COL4A5: variants seen among roughly 807,000 people sequenced by gnomAD.
COL4A5 encodes the protein collagen type IV alpha 5 chain, also known as collagen alpha-5(IV) chain.
Under a neutral mutation model 130.2 loss-of-function variants are expected in COL4A5, and 26 were observed. The ratio of observed to expected loss-of-function variants is 0.20; its 90% confidence interval spans 0.15 to 0.28. The LOEUF is 0.28. COL4A5 is among the 10% of genes least tolerant of loss of function. The probability of loss-of-function intolerance (pLI) is 1.00; values close to 1 mark genes in which losing one functional copy is unlikely to be tolerated. For missense variants in COL4A5, 1,131 were observed against 1,344.3 expected, an observed-to-expected ratio of 0.84 and a Z score of 2.48; for synonymous variants, 496 against 439.6, an observed-to-expected ratio of 1.13 and a Z score of -1.60.
intron 21 of COL4A5, among the ~76,000 whole-genome samples, chrX:108,594,447 A>G (rs1269479274): frequency 9.0e-6 from 1 of 111,171 alleles, no homozygotes; most frequent in Non-Finnish European, 1.9e-5. Flanking sequence ...TCCCTTAAAA[A>G]CTTAAGTTAT....
intron 36 of COL4A5, among the ~76,000 whole-genome samples, chrX:108,630,970 T>G (rs138559046): frequency 0.041 from 4,548 of 111,582 alleles, 222 homozygotes; most frequent in African/African-American, 0.14. Context: ...GTTGTAGATG[T>G]GTGGTGTTAT....
intron 25 of COL4A5, among the ~76,000 whole-genome samples, chrX:108,599,933 A>G (rs73528315): frequency 0.093 from 10,363 of 111,837 alleles, 1,098 homozygotes; most frequent in African/African-American, 0.31. Context: ...TTGACTGGAT[A>G]ATTACAAACT....
intron 4 of COL4A5, among the ~76,000 whole-genome samples, chrX:108,567,740 C>T (rs1026507807): frequency 9.0e-6 from 1 of 111,182 alleles, no homozygotes; most frequent in African/African-American, 3.3e-5. Context: ...GAGAGCCAAG[C>T]GAAAGGGGAA....
intron 30 of COL4A5, among the ~76,000 whole-genome samples, chrX:108,617,252 T>C (rs1223267303): frequency 9.0e-6 from 1 of 111,690 alleles, no homozygotes; most frequent in Admixed American, 9.5e-5. Context: ...AATAATAAGG[T>C]AATCGGAAAG....
chrX:108,642,067 C>T (rs1003983295), intron 36 of COL4A5, among the ~76,000 whole-genome samples: 2 of 111,068 alleles, frequency 1.8e-5, no homozygotes, highest in Non-Finnish European at 3.8e-5. Flanking sequence ...GGAGTAAGAT[C>T]GGCCCTTTGA....
chrX:108,477,815 CAAAAAAAAAA>C (rs749101117), intron 1 of COL4A5, among the ~76,000 whole-genome samples: 1 of 33,918 alleles, frequency 2.9e-5, no homozygotes, highest in East Asian at 1.0e-3. Context: ...GACTTTGTCT[CAAAAAAAAAA>C]AAAAAAAAAA....
At chrX:108,632,823 C>CTAG (rs765637790) in intron 36 of COL4A5, among the ~76,000 whole-genome samples, 2 of 111,627 alleles carry the variant, frequency 1.8e-5, no homozygotes, top group Non-Finnish European at 3.8e-5. Flanking sequence ...ATTGATGGAA[C>CTAG]GTATCTCAAA....
At chrX:108,470,369 G>T (rs1371803978) in intron 1 of COL4A5, among the ~76,000 whole-genome samples, 1 of 111,968 alleles carries the variant, frequency 8.9e-6, no homozygotes, top group Non-Finnish European at 1.9e-5. Context: ...ATATCATTGT[G>T]GTTTTGATTT....
chrX:108,448,109 A>T lies in COL4A5; in HGVS notation c.81+7903A>T, dbSNP rs150961968. On this transcript the variant is annotated intron_variant, in intron 1 of 52. Coordinates refer to ENST00000328300, the MANE Select transcript of COL4A5 (RefSeq NM_033380.3). ...AACCAAAAGGGCAGTCTATGATGGT[A>T]CTTGCTACCCTGTTGAAATGGGAAC... Among the ~76,000 whole-genome samples, 3 of 112,549 alleles carry T rather than the reference A, an allele frequency of 2.7e-5. No homozygotes were observed. The East Asian group carries it at 8.4e-4, about 31-fold the overall frequency.
Position 108,439,892 on chromosome X carries a change from A to C in COL4A5, c.-234A>C. The C allele has an allele frequency of 2.4e-6, 1 of 412,892 alleles. No homozygotes were observed. The highest frequency in any genetic ancestry group is 2.5e-5 in the African/African-American group (1 of 40,167). The allele number at this position is 412,892 out of a possible 1,213,427, so 34.0% of individuals were successfully genotyped here. ...TTTGCAAGTCTGGACAGAAGGGAAA[A>C]GTTCTCCTGAGAGACCGGCTTTGGG... On this transcript the variant is annotated 5_prime_UTR_variant, in exon 1 of 53. Coordinates refer to ENST00000328300, the MANE Select transcript of COL4A5 (RefSeq NM_033380.3).
At chrX:108,503,629 G>A (rs1281143037) in intron 1 of COL4A5, among the ~76,000 whole-genome samples, 2 of 111,650 alleles carry the variant, frequency 1.8e-5, no homozygotes, top group African/African-American at 6.5e-5. Context: ...ATGAAGCTGA[G>A]AATCAAATCA....
intron 1 of COL4A5, among the ~76,000 whole-genome samples, chrX:108,458,754 G>T (rs972069017): frequency 1.8e-5 from 2 of 111,820 alleles, no homozygotes; most frequent in African/African-American, 6.5e-5. Flanking sequence ...GCCGAGGCGG[G>T]TGGATCACGA....
At chrX:108,681,414 G>A (rs1464521433) in intron 46 of COL4A5, among the ~76,000 whole-genome samples, 1 of 109,598 alleles carries the variant, frequency 9.1e-6, no homozygotes, top group African/African-American at 3.3e-5. Flanking sequence ...TGCAAATGAT[G>A]TTGGAGTCAG....
chrX:108,616,167 G>C (rs1178201896), intron 30 of COL4A5, among the ~76,000 whole-genome samples: 1 of 110,923 alleles, frequency 9.0e-6, no homozygotes, highest in Non-Finnish European at 1.9e-5. Context: ...AACTAACAAA[G>C]CAGAGGGATC....
At chrX:108,691,344 T>TA (rs1255539534) in intron 49 of COL4A5, among the ~76,000 whole-genome samples, 3 of 110,929 alleles carry the variant, frequency 2.7e-5, no homozygotes, top group African/African-American at 9.8e-5. Context: ...ATTATATACA[T>TA]AAAAAAAATG....
At chrX:108,569,972 G>T (rs746126042) in intron 6 of COL4A5, among the ~76,000 whole-genome samples, 2 of 111,514 alleles carry the variant, frequency 1.8e-5, no homozygotes, top group Non-Finnish European at 1.9e-5. Context: ...GAGCCACCGC[G>T]CCCGGCCAGA....
At chrX:108,550,463 G>T (rs1349779898) in intron 2 of COL4A5, among the ~76,000 whole-genome samples, 1 of 111,473 alleles carries the variant, frequency 9.0e-6, no homozygotes, top group Non-Finnish European at 1.9e-5. Flanking sequence ...TATCTTAATC[G>T]ATAACAAAGA....
At chrX:108,671,198 TA>T (rs35670205) in intron 42 of COL4A5, among the ~76,000 whole-genome samples, 2 of 111,633 alleles carry the variant, frequency 1.8e-5, no homozygotes, top group African/African-American at 6.5e-5. Context: ...TAATTAGCAG[TA>T]AAAAAAGCCA....
intron 30 of COL4A5, among the ~76,000 whole-genome samples, chrX:108,616,347 T>C (rs2066926906): frequency 9.0e-6 from 1 of 110,504 alleles, no homozygotes; most frequent in African/African-American, 3.3e-5. Flanking sequence ...ACGATTCTCC[T>C]GCCTCAGCCT....
Sources: allele counts gnomAD v4.1 joint callset (sites outside exome capture counted in the v4.1 genomes callset), GRCh38; gene constraint gnomAD v4.1.1; transcripts MANE v1.5; gene names NCBI Gene and HGNC (gene_info 2026-07-23, HGNC 2026-07-21).